The following UPF3B variants were observed in gnomAD, a reference collection of about 807,000 sequenced individuals.
UPF3B encodes regulator of nonsense transcripts 3B.
Under a neutral mutation model 40.3 loss-of-function variants are expected in UPF3B, and 7 were observed. The ratio of observed to expected loss-of-function variants is 0.17; its 90% CI spans 0.10 to 0.33. The LOEUF (loss-of-function observed/expected upper bound fraction) is 0.33, where lower values mean the gene tolerates loss of function less well. UPF3B is among the 10% of genes least tolerant of loss of function. The pLI, the probability that UPF3B is intolerant of heterozygous loss-of-function variation, is 1.00. For synonymous variants in UPF3B, 117 were observed against 117.3 expected (o/e 1.00, Z 0.01); for missense variants, 229 against 358.9 (o/e 0.64, Z 2.93).
At chrX:119,849,918 C>A (rs754141647) in intron 3 of UPF3B, among the ~76,000 whole-genome samples, 2 of 110,223 alleles carry the variant, frequency 1.8e-5, no homozygotes. Context: ...ATAAGCAGAC[C>A]TTGTCTCTAA....
intron 5 of UPF3B, among the ~76,000 whole-genome samples, chrX:119,814,492 G>A (rs1274325478): frequency 8.9e-6 from 1 of 112,094 alleles, no homozygotes; most frequent in Admixed American, 9.5e-5. Context: ...GGACATGCTT[G>A]TTGCTTCTAT....
At chrX:119,840,538 G>A in intron 8 of UPF3B, 108 bp downstream of exon 8, 1 of 691,457 alleles carries the variant, frequency 1.4e-6, no homozygotes, top group African/African-American at 2.2e-5. Flanking sequence ...ACCTGAAGGG[G>A]TTTTCAACAA....
chrX:119,807,511 C>G, exon 6 of UPF3B: 1 of 874,908 alleles, frequency 1.1e-6, no homozygotes, highest in Non-Finnish European at 1.4e-6. Context: ...CAGATTGGTG[C>G]TGCCATCTTG....
intron 4 of UPF3B, among the ~76,000 whole-genome samples, chrX:119,815,943 G>A (rs1473824325): frequency 9.0e-6 from 1 of 111,077 alleles, no homozygotes; most frequent in East Asian, 2.8e-4. Context: ...CACCAAGCCC[G>A]GCTAATTTTT....
chrX:119,852,389 C>T (rs908639390), intron 1 of UPF3B, among the ~76,000 whole-genome samples: 1 of 112,214 alleles, frequency 8.9e-6, no homozygotes, highest in Non-Finnish European at 1.9e-5. Context: ...CCATTAATCA[C>T]CCTGCACTCT....
At chrX:119,824,984 C>G (rs2055965950) in intron 3 of UPF3B, among the ~76,000 whole-genome samples, 1 of 110,019 alleles carries the variant, frequency 9.1e-6, no homozygotes. Flanking sequence ...CCGTTCTGGT[C>G]TCAAACTCCT....
In UPF3B at chrX:119,824,466, A is replaced by G. The variant is rs764565648; in HGVS notation, c.393-1423T>C. Among the ~76,000 whole-genome samples, 6 of 106,213 alleles carry G rather than the reference A, an allele frequency of 5.6e-5. No individual in the cohort carries two copies. In the East Asian group the frequency reaches 1.8e-3, roughly 31 times the overall value. 92.2% of individuals were successfully genotyped at this position (106,213 alleles called of 115,157 possible). ...ACAGGCAAGGCAAGTAGAACAGAAG[A>G]GGGAGGTGCTGACGTGAAAACGGCC... On this transcript the variant is annotated intron_variant, in intron 3 of 6. Transcript: ENST00000636792.
chrX:119,805,765 A>G, intron 6 of UPF3B, among the ~76,000 whole-genome samples: 1 of 105,586 alleles, frequency 9.5e-6, no homozygotes, highest in South Asian at 4.4e-4. Flanking sequence ...GAGAAATGCA[A>G]ATCAAAACCA....
intron 3 of UPF3B, among the ~76,000 whole-genome samples, chrX:119,847,605 C>G (rs1479708119): frequency 1.9e-5 from 2 of 107,176 alleles, no homozygotes; most frequent in African/African-American, 6.8e-5. Flanking sequence ...GTCTCTACCA[C>G]AAACATAAAA....
chrX:119,839,734 G>C (rs1337902816), intron 8 of UPF3B, among the ~76,000 whole-genome samples: 1 of 112,157 alleles, frequency 8.9e-6, no homozygotes, highest in African/African-American at 3.2e-5. Context: ...GAAGGCACCA[G>C]TGTAAAATGA....
intron 4 of UPF3B, among the ~76,000 whole-genome samples, chrX:119,820,626 A>ATTTTTTTTTTTTTTTTTTT (rs370271993): frequency 1.0e-4 from 9 of 90,160 alleles, no homozygotes; most frequent in African/African-American, 3.9e-4. Context: ...AGCCTGGCCA[A>ATTTTTTTTTTTTTTTTTTT]TTTTTTTTTT....
At chrX:119,842,629 C>CACACACAGAG (rs202167619) in intron 5 of UPF3B, among the ~76,000 whole-genome samples, 7 of 107,214 alleles carry the variant, frequency 6.5e-5, no homozygotes, top group African/African-American at 2.1e-4. Context: ...CACACACACA[C>CACACACAGAG]AGAGAGAGAG....
At chrX:119,831,812 A>G (rs1199487788), downstream of UPF3B, 6 of 513,679 alleles carry the variant, frequency 1.2e-5, no homozygotes, top group African/African-American at 2.6e-5. Context: ...AAGCTTTTAC[A>G]TGGGATTTTC....
downstream of UPF3B, among the ~76,000 whole-genome samples, chrX:119,833,844 T>C (rs955372021): frequency 1.8e-5 from 2 of 112,516 alleles, no homozygotes; most frequent in African/African-American, 6.5e-5. Context: ...ATTTGTTTTA[T>C]TTAGAACCAG....
chrX:119,816,575 T>C (rs1049201488), intron 4 of UPF3B, among the ~76,000 whole-genome samples: 2 of 110,821 alleles, frequency 1.8e-5, no homozygotes, highest in Non-Finnish European at 3.8e-5. Flanking sequence ...GCCAGGCAAG[T>C]AGAACAGAAG....
chrX:119,838,414 T>C lies in UPF3B; in HGVS notation c.960A>G (p.Thr320=). The change falls in exon 9 of 11, where the codon ACA becomes ACG. Residue 320 remains threonine, a synonymous_variant. Transcript: ENST00000276201. ...GTTCGCTATCAGAACGCTTGGGCAATGTACAACTTTGCCCACTGGCTCTTT... is the reference window on the plus strand; with the variant it reads ...GTTCGCTATCAGAACGCTTGGGCAACGTACAACTTTGCCCACTGGCTCTTT... ...SDERASGQSC[T]LPKRSDSELK... is the part of the protein sequence containing the mutation. 3 of 1,211,965 alleles carry C rather than the reference T, an allele frequency of 2.5e-6. No homozygotes were observed. The highest frequency in any genetic ancestry group is 3.4e-6 in the Non-Finnish European group (3 of 895,372).
At chrX:119,810,591 G>C (rs1219007694) in intron 5 of UPF3B, among the ~76,000 whole-genome samples, 3 of 111,962 alleles carry the variant, frequency 2.7e-5, no homozygotes, top group African/African-American at 9.7e-5. Flanking sequence ...CTTATTATGA[G>C]AGTGTTTTGA....
At chrX:119,846,063 G>A (rs892266979) in intron 3 of UPF3B, among the ~76,000 whole-genome samples, 4 of 110,622 alleles carry the variant, frequency 3.6e-5, no homozygotes, top group African/African-American at 6.6e-5. Flanking sequence ...GCTGGGCACC[G>A]TGGCTTATGC....
downstream of UPF3B, among the ~76,000 whole-genome samples, chrX:119,830,035 T>G (rs1312724729): frequency 8.9e-6 from 1 of 112,000 alleles, no homozygotes; most frequent in African/African-American, 3.2e-5. Flanking sequence ...ATCATTCACT[T>G]TCAATCATTA....
Sources: gnomAD v4.1 joint callset for allele counts (sites outside exome capture counted in the v4.1 genomes callset) on GRCh38, gnomAD v4.1.1 for gene constraint, MANE v1.5 for transcripts, NCBI Gene and HGNC (gene_info 2026-07-23, HGNC 2026-07-21) for gene names.